The following WAPL variants were observed in gnomAD, a reference collection of about 807,000 sequenced individuals.
WAPL encodes the protein WAPL cohesin release factor, also known as wings apart-like protein homolog.
WAPL carries 5 observed loss-of-function variants against 121.0 expected under a neutral mutation model. That is an observed-to-expected ratio of 0.04 (90% CI 0.02 to 0.09). WAPL has a LOEUF of 0.09. WAPL is among the 10% of genes least tolerant of loss of function. The probability of loss-of-function intolerance (pLI) is 1.00; values close to 1 mark genes in which losing one functional copy is unlikely to be tolerated. For synonymous variants in WAPL, 480 were observed against 481.5 expected (o/e 1.00, Z 0.04); for missense variants, 999 against 1,410.8 (o/e 0.71, Z 4.68).
chr10:86,470,930 T>A, intron 8 of WAPL, 62 bp downstream of exon 8: 1 of 1,322,978 alleles, frequency 7.6e-7, no homozygotes, highest in Non-Finnish European at 1.1e-6. Flanking sequence ...ATATTTTTGA[T>A]AGCCAAATAG....
intron 2 of WAPL, among the ~76,000 whole-genome samples, chr10:86,509,614 A>G (rs1223248179): frequency 6.6e-6 from 1 of 152,216 alleles, no homozygotes. Context: ...CTAAAATAAT[A>G]GCTGGAAGGA....
intron 8 of WAPL, among the ~76,000 whole-genome samples, chr10:86,470,161 T>C (rs1488568283): frequency 6.6e-6 from 1 of 152,000 alleles, no homozygotes; most frequent in African/African-American, 2.4e-5. Context: ...GCCTCCCAAG[T>C]AGCTGGGATT....
intron 9 of WAPL, among the ~76,000 whole-genome samples, chr10:86,462,470 A>G (rs1013646174): frequency 6.6e-6 from 1 of 152,108 alleles, no homozygotes; most frequent in Non-Finnish European, 1.5e-5. Flanking sequence ...ATGTAATCCC[A>G]GCACTTTGGG....
chr10:86,459,434 G>C (rs942855339), intron 11 of WAPL, among the ~76,000 whole-genome samples: 1 of 152,176 alleles, frequency 6.6e-6, no homozygotes, highest in Admixed American at 6.5e-5. Context: ...GTTATCTACT[G>C]TGCCCAAAGC....
chr10:86,450,580 T>A (rs779420000), intron 15 of WAPL, among the ~76,000 whole-genome samples: 1 of 152,162 alleles, frequency 6.6e-6, no homozygotes, highest in Non-Finnish European at 1.5e-5. Context: ...GTCAATGGGA[T>A]CAAAGCGGTA....
chr10:86,497,138 A>T (rs1411467101), intron 4 of WAPL, 63 bp downstream of exon 4: 6 of 1,315,890 alleles, frequency 4.6e-6, no homozygotes, highest in Non-Finnish European at 6.4e-6. Flanking sequence ...CAAATAAAAA[A>T]TTAAGAGTTG....
At chr10:86,437,820 T>C (rs1407807226) in intron 18 of WAPL, 100 bp downstream of exon 18, 1 of 1,041,074 alleles carries the variant, frequency 9.6e-7, no homozygotes, top group Non-Finnish European at 1.4e-6. Flanking sequence ...TAAAAGAAAA[T>C]CCCTTTTTGC....
rs1842679768 is a variant in WAPL, at chr10:86,521,545, C to A, written c.-203G>T. 3.2e-5 allele frequency: 12 copies of A among 379,430 alleles called. No homozygotes were observed. The highest frequency in any genetic ancestry group is 5.1e-4 in the Middle Eastern group (1 of 1,964). The allele number at this position is 379,430 out of a possible 1,614,324, so 23.5% of individuals were successfully genotyped here. ...CCGGTTGGGGGGGCAGGAGCGGCGG[C>A]CCCGCAACTTCCCTCCCCGCCTCGA... is the stretch of plus-strand genomic sequence containing the variant. On this transcript the variant is annotated 5_prime_UTR_variant, in exon 1 of 19. Transcript: ENST00000298767.
chr10:86,466,101 G>A (rs1354061703), intron 9 of WAPL, among the ~76,000 whole-genome samples: 3 of 152,032 alleles, frequency 2.0e-5, no homozygotes, highest in African/African-American at 7.2e-5. Context: ...TCACACATGG[G>A]GCATTGTGAT....
chr10:86,515,360 G>A (rs1842535555), intron 2 of WAPL, among the ~76,000 whole-genome samples: 1 of 151,964 alleles, frequency 6.6e-6, no homozygotes, highest in Non-Finnish European at 1.5e-5. Context: ...CGGACAGTAG[G>A]TGCTCAATAT....
intron 4 of WAPL, among the ~76,000 whole-genome samples, chr10:86,483,794 C>CTTTTTTTTTTT (rs35725128): frequency 7.2e-5 from 5 of 69,178 alleles, no homozygotes; most frequent in East Asian, 4.3e-4. Flanking sequence ...ATTTTTTTTT[C>CTTTTTTTTTTT]TTTTTTTTTT....
chr10:86,520,487 T>G (rs922260850), intron 1 of WAPL, among the ~76,000 whole-genome samples: 3 of 152,208 alleles, frequency 2.0e-5, no homozygotes, highest in Admixed American at 6.5e-5. Context: ...GTTCATTATA[T>G]AATATCTCCT....
Position 86,517,664 on chromosome 10 carries a change from A to G in WAPL, c.406T>C (p.Leu136=). The change falls in exon 2 of 19, where the codon TTG becomes CTG. Residue 136 remains leucine, a synonymous_variant. Coordinates refer to ENST00000298767, the MANE Select transcript of WAPL (RefSeq NM_015045.5). ...TCTTTCCCAAGTAAAGTGTCCTCCA[A>G]AGGGAAGCATTTATCAGAAACGACA... ...DTVVSDKCFP[L]EDTLLGKEKS... 1 of 1,614,100 alleles carries G rather than the reference A, an allele frequency of 6.2e-7. No individual in the cohort carries two copies. The highest frequency in any genetic ancestry group is 8.5e-7 in the Non-Finnish European group (1 of 1,180,016).
rs917397750 is a variant in WAPL, at chr10:86,482,732, T to C, written c.1645-8759A>G. The stretch of plus-strand genomic sequence containing the variant: ...GGCCCCAAATAATTAAATACAGTAA[T>C]AGATTATAAACCATTTGGGAAAAAG... On this transcript the variant is annotated intron_variant, in intron 4 of 18. Coordinates refer to ENST00000298767, the MANE Select transcript of WAPL (RefSeq NM_015045.5). Among the ~76,000 whole-genome samples the C allele has an allele frequency of 2.0e-5, 3 of 152,070 alleles. No homozygotes were observed. In the East Asian group the frequency reaches 5.8e-4, roughly 29 times the overall value.
chr10:86,453,519 A>G, intron 13 of WAPL, 137 bp downstream of exon 13: 1 of 1,223,254 alleles, frequency 8.2e-7, no homozygotes, highest in Non-Finnish European at 1.1e-6. Context: ...AAAGCAATTT[A>G]AACCTACACA....
chr10:86,514,062 G>A (rs572883633), intron 2 of WAPL, among the ~76,000 whole-genome samples: 15 of 152,342 alleles, frequency 9.8e-5, no homozygotes, highest in Admixed American at 8.5e-4. Flanking sequence ...TTGAGATTTA[G>A]AGAGGCCTCT....
intron 10 of WAPL, 117 bp from the exon 11 acceptor site, chr10:86,460,613 C>G (rs1030927993): frequency 5.6e-6 from 4 of 713,740 alleles, no homozygotes; most frequent in Non-Finnish European, 9.0e-6. Context: ...TGGAACCTCT[C>G]TGAACATTTT....
chr10:86,517,584 T>A lies in WAPL; in HGVS notation c.486A>T (p.Lys162Asn), dbSNP rs1421394850. ...EDDASISSCN[K>N]LITSDKVENF... ...ATCAAAACTTACCTGAAGTTATTAA[T>A]TTATTACAGCTACTTATGCTTGCAT... The change falls in exon 2 of 19, where the codon AAA becomes AAT. Residue 162 changes from lysine (K) to asparagine (N), a missense_variant. By Grantham distance (94) the Lys-to-Asn change is moderately conservative (BLOSUM62 0). Coordinates refer to ENST00000298767, the MANE Select transcript of WAPL (RefSeq NM_015045.5). 1 of 1,606,890 alleles carries A rather than the reference T, an allele frequency of 6.2e-7. No individual in the cohort carries two copies.
chr10:86,466,871 T>C (rs1411697619), intron 9 of WAPL, among the ~76,000 whole-genome samples: 2 of 152,108 alleles, frequency 1.3e-5, no homozygotes, highest in Non-Finnish European at 2.9e-5. Flanking sequence ...GCTGATTTTT[T>C]TGTATTTTCT....
Sources: allele counts gnomAD v4.1 joint callset (sites outside exome capture counted in the v4.1 genomes callset), GRCh38; gene constraint gnomAD v4.1.1; transcripts MANE v1.5; gene names NCBI Gene and HGNC (gene_info 2026-07-23, HGNC 2026-07-21).